Variants in MTUS2 observed in about 807,000 individuals in gnomAD.
The protein encoded by MTUS2 is microtubule-associated tumor suppressor candidate 2.
Under a neutral mutation model 114.1 loss-of-function variants are expected in MTUS2, and 40 were observed. That is an observed-to-expected ratio of 0.35 (90% CI 0.27 to 0.46). The LOEUF (loss-of-function observed/expected upper bound fraction) is 0.46. MTUS2 is among the 20% of genes least tolerant of loss of function. MTUS2 has a pLI of 1.00. For missense variants in MTUS2, 1,679 were observed against 1,705.4 expected (o/e 0.98, Z 0.27); for synonymous variants, 688 against 672.0 (o/e 1.02, Z -0.37).
chr13:28,872,768 C>T (rs934039252), intron 2 of MTUS2, among the ~76,000 whole-genome samples: 3 of 152,142 alleles, frequency 2.0e-5, no homozygotes, highest in Non-Finnish European at 4.4e-5. Flanking sequence ...CCCATTAGGC[C>T]ATACCTCCAA....
intron 2 of MTUS2, among the ~76,000 whole-genome samples, chr13:28,965,950 A>G (rs1293048890): frequency 2.0e-5 from 3 of 152,206 alleles, no homozygotes; most frequent in Non-Finnish European, 4.4e-5. Flanking sequence ...TGCCTAAACA[A>G]CTGGGCACCA....
rs540704305 is a variant in MTUS2, at chr13:29,318,095, C to T, written c.2807-6518C>T. ...GCCCCGTGGCATGTGCTTTCACAGG[C>T]AAGTGGAGGGAAAACTTCAGATACT... On this transcript the variant is annotated intron_variant, in intron 6 of 15. Coordinates refer to ENST00000612955, the MANE Select transcript of MTUS2 (RefSeq NM_001033602.4). 4.2e-4 allele frequency among the ~76,000 whole-genome samples: 64 copies of T among 152,300 alleles called. No homozygotes were observed. The South Asian group carries it at 0.013, about 31-fold the overall frequency.
At chr13:28,845,658 T>A (rs1381302393) in intron 2 of MTUS2, among the ~76,000 whole-genome samples, 1 of 151,672 alleles carries the variant, frequency 6.6e-6, no homozygotes, top group Non-Finnish European at 1.5e-5. Flanking sequence ...TCTGTTTTGT[T>A]TGTTTTTTTT....
intron 2 of MTUS2, among the ~76,000 whole-genome samples, chr13:28,952,461 T>G (rs1331523220): frequency 1.3e-5 from 2 of 152,242 alleles, no homozygotes; most frequent in Non-Finnish European, 2.9e-5. Context: ...ACTGCATCTC[T>G]TTTTTCCTAA....
chr13:29,339,097 C>T (rs575768495), intron 7 of MTUS2, among the ~76,000 whole-genome samples: 19 of 152,238 alleles, frequency 1.2e-4, no homozygotes, highest in African/African-American at 4.3e-4. Flanking sequence ...TGGGTGTGCG[C>T]AGAGGTACAT....
Position 29,432,220 on chromosome 13 carries a change from A to C in MTUS2, c.3118-7763A>C, listed in dbSNP as rs1032976716. On this transcript the variant is annotated intron_variant, in intron 8 of 15. Coordinates refer to ENST00000612955, the MANE Select transcript of MTUS2 (RefSeq NM_001033602.4). Reference sequence around the variant, plus strand: ...ATCTATCTTGGGCTTTTGAGCAGAGATGCAGTCTGTAGAAAGACTCGTCCA... The same window carrying C: ...ATCTATCTTGGGCTTTTGAGCAGAGCTGCAGTCTGTAGAAAGACTCGTCCA... 2.0e-5 allele frequency among the ~76,000 whole-genome samples: 3 copies of C among 152,224 alleles called. No individual in the cohort carries two copies. The East Asian group carries it at 5.8e-4, about 29-fold the overall frequency.
chr13:28,860,295 CT>C (rs547847602), intron 2 of MTUS2, among the ~76,000 whole-genome samples: 188 of 152,316 alleles, frequency 1.2e-3, no homozygotes, highest in African/African-American at 4.1e-3. Context: ...CTAATAGTCA[CT>C]CTTTTGCCAG....
chr13:29,450,824 C>T (rs2138735389), intron 9 of MTUS2, among the ~76,000 whole-genome samples: 1 of 152,202 alleles, frequency 6.6e-6, no homozygotes, highest in Admixed American at 6.5e-5. Context: ...ACTTCAGAGC[C>T]AGGAATATTG....
rs147433285 is a variant in MTUS2 at position 29,502,086 on chromosome 13, T to C, written c.3896+892T>C. ...GCCATTGCCCCCATAACTAAGCCCC[T>C]AGTGCAGGCATTTTGTTCTCACCTC... On this transcript the variant is annotated intron_variant, in intron 15 of 15. Coordinates refer to ENST00000612955, the MANE Select transcript of MTUS2 (RefSeq NM_001033602.4). Among the ~76,000 whole-genome samples the C allele has an allele frequency of 6.5e-4, 99 of 152,304 alleles. 1 individual carries two copies. The East Asian group carries it at 0.018, about 28-fold the overall frequency.
At chr13:29,449,709 TAAAC>T (rs1194251691) in intron 9 of MTUS2, among the ~76,000 whole-genome samples, 1 of 151,612 alleles carries the variant, frequency 6.6e-6, no homozygotes, top group African/African-American at 2.4e-5. Flanking sequence ...AAATATCAGA[TAAAC>T]AAAATAAAAT....
intron 8 of MTUS2, among the ~76,000 whole-genome samples, chr13:29,418,203 C>CAGTT (rs1443402559): frequency 6.6e-6 from 1 of 152,120 alleles, no homozygotes; most frequent in Non-Finnish European, 1.5e-5. Flanking sequence ...TCCCAGTGAA[C>CAGTT]AGTTACCTCG....
intron 7 of MTUS2, among the ~76,000 whole-genome samples, chr13:29,325,259 C>G (rs1900431753): frequency 6.6e-6 from 1 of 152,056 alleles, no homozygotes; most frequent in Admixed American, 6.6e-5. Context: ...AGTTCCAGAC[C>G]AGCCTAGCCA....
intron 5 of MTUS2, among the ~76,000 whole-genome samples, chr13:29,200,210 A>T (rs1894884200): frequency 6.7e-6 from 1 of 149,998 alleles, no homozygotes; most frequent in African/African-American, 2.5e-5. Flanking sequence ...CTCTGATCTT[A>T]GTTATTTCTT....
intron 5 of MTUS2, among the ~76,000 whole-genome samples, chr13:29,278,200 T>A (rs1898136322): frequency 6.6e-6 from 1 of 152,122 alleles, no homozygotes; most frequent in African/African-American, 2.4e-5. Context: ...AACTTTAAAA[T>A]TTTTCAAACA....
intron 2 of MTUS2, among the ~76,000 whole-genome samples, chr13:28,961,730 T>TA (rs1183186497): frequency 7.2e-5 from 11 of 152,202 alleles, no homozygotes; most frequent in African/African-American, 2.7e-4. Context: ...TCATCTAAGA[T>TA]ACGTAGTTTT....
intron 6 of MTUS2, among the ~76,000 whole-genome samples, chr13:29,291,707 A>G (rs909693354): frequency 2.6e-5 from 4 of 152,160 alleles, no homozygotes; most frequent in Non-Finnish European, 4.4e-5. Flanking sequence ...TTTCATTATC[A>G]GGAGACTAAG....
chr13:29,077,557 G>A (rs1031510335), intron 4 of MTUS2, among the ~76,000 whole-genome samples: 4 of 152,022 alleles, frequency 2.6e-5, no homozygotes, highest in African/African-American at 4.8e-5. Context: ...TCTTCCCATA[G>A]CACTTACTCT....
chr13:28,908,145 TG>T (rs1253701153), intron 2 of MTUS2, among the ~76,000 whole-genome samples: 3 of 151,688 alleles, frequency 2.0e-5, no homozygotes, highest in Non-Finnish European at 2.9e-5. Flanking sequence ...TTTCTTTCTT[TG>T]TTTTTTTATT....
chr13:28,845,500 ATTC>A (rs1303687807), intron 2 of MTUS2, among the ~76,000 whole-genome samples: 1 of 152,172 alleles, frequency 6.6e-6, no homozygotes, highest in African/African-American at 2.4e-5. Flanking sequence ...TCTTTTGCTT[ATTC>A]TTTCAGCAGC....
Sources: allele counts gnomAD v4.1 joint callset (sites outside exome capture counted in the v4.1 genomes callset), GRCh38; gene constraint gnomAD v4.1.1; transcripts MANE v1.5; gene names NCBI Gene and HGNC (gene_info 2026-07-23, HGNC 2026-07-21).